NF1: variants seen among roughly 807,000 people sequenced by gnomAD.
NF1 encodes the protein neurofibromin.
NF1 carries 122 observed loss-of-function variants against 325.7 expected under a neutral mutation model. That is an observed-to-expected ratio of 0.37 (90% CI 0.32 to 0.44). The LOEUF (loss-of-function observed/expected upper bound fraction) is 0.44, where lower values mean the gene tolerates loss of function less well. NF1 is among the 20% of genes least tolerant of loss of function. NF1 has a pLI of 1.00. For synonymous variants in NF1, 1,091 were observed against 1,186.0 expected, an observed-to-expected ratio of 0.92 and a Z score of 1.65; for missense variants, 2,140 against 3,415.4, an observed-to-expected ratio of 0.63 and a Z score of 9.31.
At chr17:31,146,481 A>T (rs768125780) in intron 1 of NF1, among the ~76,000 whole-genome samples, 16 of 152,130 alleles carry the variant, frequency 1.1e-4, no homozygotes, top group Non-Finnish European at 1.9e-4. Flanking sequence ...TCTCTGAGAT[A>T]TATAAGTGTA....
chr17:31,130,248 C>G (rs1915251856), intron 1 of NF1, among the ~76,000 whole-genome samples: 2 of 152,118 alleles, frequency 1.3e-5, no homozygotes, highest in Non-Finnish European at 2.9e-5. Flanking sequence ...GCTTTGTTCT[C>G]TGGTTCTTTA....
intron 29 of NF1, among the ~76,000 whole-genome samples, chr17:31,246,013 T>C (rs2151448108): frequency 6.6e-6 from 1 of 152,206 alleles, no homozygotes; most frequent in Non-Finnish European, 1.5e-5. Context: ...CTTCCAGAGA[T>C]TCCAAGGGTT....
At chr17:31,240,438 C>G (rs2067276169) in intron 29 of NF1, among the ~76,000 whole-genome samples, 1 of 152,180 alleles carries the variant, frequency 6.6e-6, no homozygotes, top group African/African-American at 2.4e-5. Context: ...GAATAGTACT[C>G]CGTTGTGTAT....
intron 48 of NF1, chr17:31,346,090 TCCA>T: frequency 6.2e-7 from 1 of 1,612,074 alleles, no homozygotes; most frequent in Non-Finnish European, 8.5e-7. Context: ...CGAGGAGTGC[TCCA>T]CCAATTTTCC....
chr17:31,221,944 AT>A lies in NF1; in HGVS notation c.1721+21del, dbSNP rs762735676. 4 of 1,578,250 alleles carry A rather than the reference AT, an allele frequency of 2.5e-6. No homozygotes were observed. The highest frequency in any genetic ancestry group is 2.3e-4 in the Middle Eastern group (1 of 4,332). ...TGGGAGATTAGGTATATGTACTTTT[AT>A]TTTTTAAATTCAACTTTTAAATTTT... is the stretch of plus-strand genomic sequence containing the variant. On this transcript the variant is annotated intron_variant, in intron 15 of 57. Transcript: ENST00000358273.
At chr17:31,174,620 G>T (rs1050318471) in intron 5 of NF1, among the ~76,000 whole-genome samples, 2 of 151,926 alleles carry the variant, frequency 1.3e-5, no homozygotes, top group African/African-American at 4.8e-5. Flanking sequence ...ATATTATGAG[G>T]GGCATCAAAG....
chr17:31,339,126 T>TA (rs547647088), intron 46 of NF1, among the ~76,000 whole-genome samples: 40 of 152,288 alleles, frequency 2.6e-4, no homozygotes, highest in Middle Eastern at 6.8e-3. Context: ...GCGCTAGAGA[T>TA]AGAGTACTAA....
In NF1 at chr17:31,374,546, C is replaced by G. The variant is rs886993530; in HGVS notation, c.*391C>G. On this transcript the variant is annotated 3_prime_UTR_variant, in exon 58 of 58. Transcript: ENST00000358273. ...CTGCCTTCTGTGGTTTTCCCTTCTT[C>G]ATCCTACAGAGTAAAGTGTTAGTCC... is the stretch of plus-strand genomic sequence containing the variant. 9 of 394,130 alleles carry G rather than the reference C, an allele frequency of 2.3e-5. No homozygotes were observed. The highest frequency in any genetic ancestry group is 4.2e-5 in the Non-Finnish European group (9 of 211,970). 24.4% of individuals were successfully genotyped at this position (394,130 alleles called of 1,614,324 possible). A position where few individuals can be genotyped will look rare whatever the true frequency, so the allele number is the denominator to read the frequency against.
chr17:31,202,294 AG>A (rs2066544254), intron 11 of NF1, among the ~76,000 whole-genome samples: 1 of 152,196 alleles, frequency 6.6e-6, no homozygotes, highest in Non-Finnish European at 1.5e-5. Flanking sequence ...CCTTCCTTAA[AG>A]GAGGCTGTAA....
At chr17:31,258,237 CTGAT>C (rs1202358756) in intron 31 of NF1, 103 bp from the exon 32 acceptor site, 18 of 1,168,652 alleles carry the variant, frequency 1.5e-5, no homozygotes, top group South Asian at 1.4e-4. Context: ...TTCATGAGGA[CTGAT>C]TGATTCAGAG....
chr17:31,302,874 T>TGA (rs2068608382), intron 36 of NF1, among the ~76,000 whole-genome samples: 1 of 151,688 alleles, frequency 6.6e-6, no homozygotes, highest in African/African-American at 2.4e-5. Context: ...GAAGAATACA[T>TGA]GAAAGAAAAT....
chr17:31,306,550 G>A (rs2068725670), intron 36 of NF1, among the ~76,000 whole-genome samples: 1 of 151,980 alleles, frequency 6.6e-6, no homozygotes, highest in Non-Finnish European at 1.5e-5. Flanking sequence ...AAGTTTCTTA[G>A]GCACAGAGTC....
intron 11 of NF1, among the ~76,000 whole-genome samples, chr17:31,204,235 G>C (rs1463714665): frequency 6.6e-6 from 1 of 151,878 alleles, no homozygotes; most frequent in Non-Finnish European, 1.5e-5. Flanking sequence ...TTTTCCTTAC[G>C]ACAATTTATC....
At chr17:31,364,505 C>G (rs866265686) in intron 57 of NF1, among the ~76,000 whole-genome samples, 1 of 152,126 alleles carries the variant, frequency 6.6e-6, no homozygotes, top group South Asian at 2.1e-4. Flanking sequence ...ATTCATGAAC[C>G]TCTCCTCCTC....
intron 36 of NF1, among the ~76,000 whole-genome samples, chr17:31,273,314 TAAC>T (rs372009736): frequency 2.7e-4 from 41 of 152,154 alleles, no homozygotes; most frequent in African/African-American, 8.7e-4. Context: ...TTTTCTTCAT[TAAC>T]AACAACAACA....
intron 23 of NF1, among the ~76,000 whole-genome samples, 194 bp from the exon 24 acceptor site, chr17:31,230,648 A>G (rs2067097731): frequency 6.6e-6 from 1 of 152,182 alleles, no homozygotes; most frequent in South Asian, 2.1e-4. Context: ...GCCATGATGG[A>G]GGATAAATAT....
intron 5 of NF1, 33 bp from the exon 6 acceptor site, chr17:31,181,389 A>T (rs2066129901): frequency 6.4e-7 from 1 of 1,567,332 alleles, no homozygotes; most frequent in Non-Finnish European, 8.8e-7. Context: ...AACTTATTCT[A>T]GAGTTAATTT....
intron 36 of NF1, among the ~76,000 whole-genome samples, chr17:31,273,296 G>A (rs1349304496): frequency 6.6e-6 from 1 of 152,112 alleles, no homozygotes; most frequent in Non-Finnish European, 1.5e-5. Context: ...CCCAGTGCTG[G>A]GATGAGGTTT....
chr17:31,155,382 T>C (rs2065641816), intron 1 of NF1, among the ~76,000 whole-genome samples: 1 of 152,224 alleles, frequency 6.6e-6, no homozygotes, highest in South Asian at 2.1e-4. Flanking sequence ...TGTTCTGTTA[T>C]CCCTTCAATT....
Sources: gnomAD v4.1 joint callset for allele counts (sites outside exome capture counted in the v4.1 genomes callset) on GRCh38, gnomAD v4.1.1 for gene constraint, MANE v1.5 for transcripts, NCBI Gene and HGNC (gene_info 2026-07-23, HGNC 2026-07-21) for gene names.